The following PPM1H variants were observed in gnomAD, a reference collection of about 807,000 sequenced individuals.
PPM1H encodes protein phosphatase 1H.
A neutral mutation model predicts 54.9 loss-of-function variants in PPM1H; 27 were observed. The ratio of observed to expected loss-of-function variants is 0.49; its 90% CI spans 0.36 to 0.68. The LOEUF (loss-of-function observed/expected upper bound fraction) is 0.68, where lower values mean the gene tolerates loss of function less well. Ranked by LOEUF, PPM1H falls within the 30% of genes least tolerant of loss-of-function variation. PPM1H has a pLI of 0.00. For synonymous variants in PPM1H, 305 were observed against 270.8 expected (o/e 1.13, Z -1.24); for missense variants, 596 against 667.8 (o/e 0.89, Z 1.19).
chr12:62,911,877 T>C (rs1592667643), intron 1 of PPM1H, among the ~76,000 whole-genome samples: 2 of 149,902 alleles, frequency 1.3e-5, no homozygotes, highest in African/African-American at 4.8e-5. Flanking sequence ...CCCTCACACA[T>C]GTGTACTCCA....
intron 2 of PPM1H, among the ~76,000 whole-genome samples, chr12:62,828,062 T>G (rs1033194917): frequency 6.6e-6 from 1 of 152,160 alleles, no homozygotes; most frequent in Non-Finnish European, 1.5e-5. Context: ...TCCGCTTTAC[T>G]TATCTCTGTG....
intron 4 of PPM1H, among the ~76,000 whole-genome samples, chr12:62,785,597 T>C (rs1234104410): frequency 6.6e-6 from 1 of 152,254 alleles, no homozygotes; most frequent in Non-Finnish European, 1.5e-5. Context: ...AACTTTACTT[T>C]CTAAAAGTGT....
chr12:62,689,636 C>G, intron 8 of PPM1H, 63 bp downstream of exon 8: 1 of 1,266,612 alleles, frequency 7.9e-7, no homozygotes, highest in East Asian at 2.5e-5. Flanking sequence ...GTGTGAGTCA[C>G]AGGAGGAATA....
intron 4 of PPM1H, among the ~76,000 whole-genome samples, chr12:62,770,931 A>C (rs2076575396): frequency 6.6e-6 from 1 of 152,048 alleles, no homozygotes. Flanking sequence ...TCCAGCACAG[A>C]GGGTCAGGGC....
chr12:62,728,991 C>T (rs899686533), intron 5 of PPM1H, among the ~76,000 whole-genome samples: 5 of 152,082 alleles, frequency 3.3e-5, no homozygotes, highest in Admixed American at 6.5e-5. Context: ...TGAGTAGTGT[C>T]AGCCAAGAAG....
chr12:62,726,652 C>T (rs961584089), intron 5 of PPM1H, among the ~76,000 whole-genome samples: 3 of 152,124 alleles, frequency 2.0e-5, no homozygotes, highest in South Asian at 2.1e-4. Context: ...ATCAGGCCAG[C>T]GCAGAGATGT....
At position 62,648,445 on chromosome 12, in the gene PPM1H, C is replaced by A. The variant is rs372503140; in HGVS notation, c.*44G>T. The stretch of plus-strand genomic sequence containing the variant: ...CCAGTTCCGTCCTGCCAAGAGGCAT[C>A]CCAGCTTTCTTCCCCTCTGTCCTCC... On this transcript the variant is annotated 3_prime_UTR_variant, in exon 10 of 10. Coordinates refer to ENST00000228705, the MANE Select transcript of PPM1H (RefSeq NM_020700.2). 6.2e-7 allele frequency: 1 copy of A among 1,607,366 alleles called. No homozygotes were observed. The highest frequency in any genetic ancestry group is 1.3e-5 in the African/African-American group (1 of 74,876).
At chr12:62,849,989 C>T (rs1262236650) in intron 1 of PPM1H, among the ~76,000 whole-genome samples, 1 of 152,004 alleles carries the variant, frequency 6.6e-6, no homozygotes, top group Non-Finnish European at 1.5e-5. Flanking sequence ...GAGACAGGGT[C>T]TCAGTCTGCC....
intron 1 of PPM1H, among the ~76,000 whole-genome samples, chr12:62,843,152 C>A (rs1225569360): frequency 6.6e-6 from 1 of 152,030 alleles, no homozygotes; most frequent in East Asian, 1.9e-4. Context: ...CCTGTCTCTA[C>A]TAAAAATACA....
At chr12:62,834,587 G>A (rs1036394982) in intron 1 of PPM1H, among the ~76,000 whole-genome samples, 64 of 152,258 alleles carry the variant, frequency 4.2e-4, no homozygotes, top group Middle Eastern at 3.4e-3. Flanking sequence ...CTGAGAGGGC[G>A]GGCCTTTCCC....
intron 1 of PPM1H, among the ~76,000 whole-genome samples, chr12:62,926,329 TC>T (rs936206741): frequency 2.0e-5 from 3 of 151,940 alleles, no homozygotes; most frequent in African/African-American, 7.3e-5. Flanking sequence ...ACCATTTCCT[TC>T]CCCCCACCAC....
chr12:62,766,043 T>G (rs1392490577), intron 4 of PPM1H, among the ~76,000 whole-genome samples: 1 of 152,116 alleles, frequency 6.6e-6, no homozygotes, highest in Non-Finnish European at 1.5e-5. Flanking sequence ...GCCAGATGGG[T>G]GCCAATGCAG....
chr12:62,764,922 G>A (rs1482684536), intron 4 of PPM1H, among the ~76,000 whole-genome samples: 1 of 152,210 alleles, frequency 6.6e-6, no homozygotes, highest in Non-Finnish European at 1.5e-5. Context: ...TGAGGAGCTG[G>A]ACAAAGCCAT....
intron 1 of PPM1H, among the ~76,000 whole-genome samples, chr12:62,930,388 T>A (rs948858379): frequency 6.6e-6 from 1 of 152,220 alleles, no homozygotes; most frequent in African/African-American, 2.4e-5. Flanking sequence ...AAATTAGCTA[T>A]ACTTAATGTA....
intron 1 of PPM1H, among the ~76,000 whole-genome samples, chr12:62,931,072 G>T (rs545170096): frequency 6.6e-6 from 1 of 152,250 alleles, no homozygotes; most frequent in East Asian, 1.9e-4. Flanking sequence ...TCTTGAAAGG[G>T]ATTAACAGTA....
At chr12:62,666,927 T>C (rs1214824337) in intron 9 of PPM1H, among the ~76,000 whole-genome samples, 1 of 152,196 alleles carries the variant, frequency 6.6e-6, no homozygotes, top group Non-Finnish European at 1.5e-5. Context: ...TTGGCCAGGC[T>C]GGTCTAGAAC....
intron 8 of PPM1H, 108 bp downstream of exon 8, chr12:62,689,591 C>G (rs2076072151): frequency 1.4e-6 from 1 of 720,634 alleles, no homozygotes. Flanking sequence ...AGTGGAAGTA[C>G]ATATAATACA....
intron 4 of PPM1H, among the ~76,000 whole-genome samples, chr12:62,761,717 A>G (rs67627362): frequency 0.18 from 27,740 of 152,086 alleles, 3,005 homozygotes; most frequent in African/African-American, 0.3. Context: ...AGCGTTTTGC[A>G]AGAGTTTAGG....
At chr12:62,757,654 T>C (rs1221163429) in intron 4 of PPM1H, among the ~76,000 whole-genome samples, 1 of 152,182 alleles carries the variant, frequency 6.6e-6, no homozygotes, top group Non-Finnish European at 1.5e-5. Context: ...TAAGGTTGTC[T>C]TTACAATAGA....
Sources: allele counts gnomAD v4.1 joint callset (sites outside exome capture counted in the v4.1 genomes callset), GRCh38; gene constraint gnomAD v4.1.1; transcripts MANE v1.5; gene names NCBI Gene and HGNC (gene_info 2026-07-23, HGNC 2026-07-21).